The following ANAPC7 variants were observed in gnomAD, a reference collection of about 807,000 sequenced individuals.
ANAPC7 encodes anaphase-promoting complex subunit 7.
In ANAPC7, 25 loss-of-function variants were observed where a neutral mutation model predicts 63.3. The ratio of observed to expected loss-of-function variants is 0.39; its 90% CI spans 0.29 to 0.55. The LOEUF (loss-of-function observed/expected upper bound fraction) is 0.55. Among genes scored for constraint, ANAPC7 ranks in the 20% least tolerant of loss-of-function variants. ANAPC7 has a pLI of 0.57. For synonymous variants in ANAPC7, 241 were observed against 251.7 expected (o/e 0.96, Z 0.40); for missense variants, 516 against 691.7 (o/e 0.75, Z 2.85).
At chr12:110,389,775 A>G (rs1413213180) in intron 3 of ANAPC7, among the ~76,000 whole-genome samples, 8 of 152,030 alleles carry the variant, frequency 5.3e-5, no homozygotes, top group African/African-American at 1.9e-4. Flanking sequence ...ACTAAAAAAT[A>G]CAAAAAATTA....
chr12:110,403,459 C>T, intron 1 of ANAPC7, 68 bp downstream of exon 1: 1 of 1,516,346 alleles, frequency 6.6e-7, no homozygotes, highest in Non-Finnish European at 8.9e-7. Flanking sequence ...CCCACGTGCC[C>T]TGAGCCCCCG....
intron 4 of ANAPC7, 66 bp downstream of exon 4, chr12:110,388,446 G>T: frequency 3.2e-6 from 4 of 1,261,284 alleles, no homozygotes; most frequent in South Asian, 1.2e-5. Context: ...TAATGTACAG[G>T]CAAGATTGAG....
intron 3 of ANAPC7, among the ~76,000 whole-genome samples, chr12:110,394,440 A>AACATG (rs1358039586): frequency 1.3e-5 from 2 of 151,778 alleles, no homozygotes; most frequent in African/African-American, 2.4e-5. Context: ...CAGCCTGGCC[A>AACATG]ACATGGCAAA....
At chr12:110,395,724 G>C (rs1428817545) in intron 2 of ANAPC7, among the ~76,000 whole-genome samples, 1 of 151,956 alleles carries the variant, frequency 6.6e-6, no homozygotes, top group Non-Finnish European at 1.5e-5. Context: ...ATTTTTAGTA[G>C]AGACGGCGTT....
chr12:110,372,951 C>A lies in ANAPC7; in HGVS notation c.*1193G>T, dbSNP rs1880962022. On this transcript the variant is annotated 3_prime_UTR_variant, in exon 11 of 11. Transcript: ENST00000455511. ...TTATCAGATGTTCTGAGCTCATTAA[C>A]TACTGTACACTTACAGTTTTTACAT... 2 of 152,230 alleles carry A rather than the reference C, an allele frequency of 1.3e-5. No individual in the cohort carries two copies. Among genetic ancestry groups the A allele is most frequent in the African/African-American group, 4.8e-5 (2 of 41,460 alleles). 9.4% of individuals were successfully genotyped at this position (152,230 alleles called of 1,614,324 possible).
intron 6 of ANAPC7, among the ~76,000 whole-genome samples, chr12:110,384,454 C>T (rs1882264162): frequency 6.6e-6 from 1 of 151,690 alleles, no homozygotes; most frequent in Admixed American, 6.6e-5. Context: ...CCTATAATCC[C>T]AGCACTTTGG....
intron 2 of ANAPC7, among the ~76,000 whole-genome samples, chr12:110,395,944 G>C (rs1348476310): frequency 1.3e-5 from 2 of 152,118 alleles, no homozygotes; most frequent in Non-Finnish European, 2.9e-5. Context: ...TCCACAGATG[G>C]GGGGTGAGGG....
chr12:110,393,102 G>A (rs531576990), intron 3 of ANAPC7, among the ~76,000 whole-genome samples: 1 of 151,946 alleles, frequency 6.6e-6, no homozygotes, highest in African/African-American at 2.4e-5. Flanking sequence ...GCCGACACCA[G>A]ATCTTTTGAT....
Position 110,374,258 on chromosome 12 carries a change from A to C in ANAPC7, c.1584T>G (p.Thr528=). The C allele has an allele frequency of 1.2e-6, 2 of 1,613,928 alleles. No homozygotes were observed. Among genetic ancestry groups the C allele is most frequent in the Middle Eastern group, 1.6e-4 (1 of 6,084 alleles). ...MEKEESPTDA[T]QEEDVDDMEG... is the part of the protein sequence containing the mutation. ...CCATGTCGTCCACATCCTCCTCCTG[A>C]GTGGCATCCGTGGGACTCTCCTCCT... is the stretch of plus-strand genomic sequence containing the variant. The change falls in exon 11 of 11, where the codon ACT becomes ACG. Residue 528 remains threonine, a synonymous_variant. Transcript: ENST00000455511.
intron 1 of ANAPC7, 40 bp downstream of exon 1, chr12:110,403,487 C>T (rs758808945): frequency 1.3e-6 from 2 of 1,547,650 alleles, no homozygotes; most frequent in Non-Finnish European, 1.7e-6. Context: ...ACCGCCGCCG[C>T]TTTCTCCTCA....
intron 1 of ANAPC7, among the ~76,000 whole-genome samples, chr12:110,400,730 G>T (rs1283803373): frequency 6.6e-6 from 1 of 151,834 alleles, no homozygotes; most frequent in Non-Finnish European, 1.5e-5. Context: ...GCAAAATGTG[G>T]GTCTCACTAG....
chr12:110,375,967 G>C, intron 10 of ANAPC7, 99 bp downstream of exon 10: 1 of 1,413,478 alleles, frequency 7.1e-7, no homozygotes, highest in Non-Finnish European at 9.3e-7. Flanking sequence ...TTCAACCATG[G>C]ACACAAAGTG....
intron 10 of ANAPC7, chr12:110,375,529 G>T: frequency 1.1e-6 from 1 of 895,396 alleles, no homozygotes; most frequent in Non-Finnish European, 1.3e-6. Context: ...CAGGCACAGG[G>T]CTAAGAGCTT....
At chr12:110,379,944 A>C (rs1206269506) in intron 8 of ANAPC7, among the ~76,000 whole-genome samples, 1 of 152,132 alleles carries the variant, frequency 6.6e-6, no homozygotes, top group Non-Finnish European at 1.5e-5. Flanking sequence ...GATTGTGCCC[A>C]CTCTGGAGGT....
At chr12:110,385,431 A>G (rs949167089) in intron 6 of ANAPC7, among the ~76,000 whole-genome samples, 1 of 152,200 alleles carries the variant, frequency 6.6e-6, no homozygotes, top group East Asian at 1.9e-4. Context: ...TCAAGCCAAG[A>G]TTACTGCAAT....
intron 8 of ANAPC7, among the ~76,000 whole-genome samples, chr12:110,380,219 T>TGTA (rs539610451): frequency 1.5e-4 from 23 of 151,548 alleles, no homozygotes; most frequent in Non-Finnish European, 2.8e-4. Context: ...GGTGTGGTGG[T>TGTA]GTATGCCTGT....
chr12:110,375,929 C>T, intron 10 of ANAPC7, 137 bp downstream of exon 10: 3 of 1,322,518 alleles, frequency 2.3e-6, no homozygotes, highest in African/African-American at 3.0e-5. Context: ...ACAAATAACT[C>T]TTCTACCATT....
Position 110,388,513 on chromosome 12 carries a change from T to C in ANAPC7, c.519A>G (p.Leu173=). The C allele has an allele frequency of 6.2e-7, 1 of 1,611,720 alleles. No homozygotes were observed. Among genetic ancestry groups the C allele is most frequent in the Non-Finnish European group, 8.5e-7 (1 of 1,177,874 alleles). The part of the protein sequence containing the change: ...RQCPLALDAI[L]GLLSLSVKGA... The stretch of plus-strand genomic sequence containing the variant: ...AAAACAGGCAGGAAATATCTCTACC[T>C]AGAATGGCATCAAGGGCTAATGGGC... Residue 173 remains leucine (L), a splice_region_variant and synonymous_variant, in exon 4 of 11, where the codon CTA becomes CTG. Coordinates refer to ENST00000455511, the MANE Select transcript of ANAPC7 (RefSeq NM_016238.3).
chr12:110,385,197 C>G (rs369251759), intron 6 of ANAPC7, among the ~76,000 whole-genome samples: 1 of 152,014 alleles, frequency 6.6e-6, no homozygotes. Flanking sequence ...AACCAGGAGG[C>G]GGAGGTTGCA....
Sources: allele counts gnomAD v4.1 joint callset (sites outside exome capture counted in the v4.1 genomes callset), GRCh38; gene constraint gnomAD v4.1.1; transcripts MANE v1.5; gene names NCBI Gene and HGNC (gene_info 2026-07-23, HGNC 2026-07-21).